KIF5A: variants seen among roughly 807,000 people sequenced by gnomAD.
KIF5A encodes kinesin family member 5A.
KIF5A carries 35 observed loss-of-function variants against 141.3 expected under a neutral mutation model. That is an observed-to-expected ratio of 0.25 (90% CI 0.19 to 0.33). KIF5A has a LOEUF of 0.33. Ranked by LOEUF, KIF5A falls within the 10% of genes least tolerant of loss-of-function variation. KIF5A has a pLI of 1.00. For synonymous variants in KIF5A, 448 were observed against 500.2 expected, an observed-to-expected ratio of 0.90 and a Z score of 1.39; for missense variants, 861 against 1,314.3, an observed-to-expected ratio of 0.66 and a Z score of 5.33.
rs1252833911 is a variant in KIF5A, at chr12:57,550,546, C to T, written c.129+146C>T. ...CTCTTCCCCGCAGCCCCTCCTCTCC[C>T]CTGCATCAGGATGGCTGGGTGTGGC... On this transcript the variant is annotated intron_variant, in intron 1 of 28. Coordinates refer to ENST00000455537, the MANE Select transcript of KIF5A (RefSeq NM_004984.4). This position sits in a 1 kb window ranked among gnomAD's most constrained non-coding sequence, Gnocchi z 4.6. 2.2e-6 allele frequency: 2 copies of T among 890,484 alleles called. No homozygotes were observed. The highest frequency in any genetic ancestry group is 4.2e-5 in the Admixed American group (2 of 47,306). The allele number at this position is 890,484 out of a possible 1,614,324, so 55.2% of individuals were successfully genotyped here.
rs1050072523 is a variant in KIF5A, at chr12:57,578,068, T to G, written c.2421T>G (p.Thr807=). The G allele has an allele frequency of 6.2e-7, 1 of 1,613,982 alleles. No individual in the cohort carries two copies. The change falls in exon 22 of 29, where the codon ACT becomes ACG. Residue 807 remains threonine, a synonymous_variant. Transcript: ENST00000455537. Reference sequence around the variant, plus strand: ...AGCTGTTCGTTCAAGACGTCACGACTCGAGTCAAGAAAGTGAGTGCTGTCC... The same window carrying G: ...AGCTGTTCGTTCAAGACGTCACGACGCGAGTCAAGAAAGTGAGTGCTGTCC... The part of the protein sequence containing the change: ...LRKLFVQDVT[T]RVKKSAEMEP...
At chr12:57,578,739 C>T (rs984991222) in intron 23 of KIF5A, among the ~76,000 whole-genome samples, 29 of 152,266 alleles carry the variant, frequency 1.9e-4, no homozygotes, top group African/African-American at 7.0e-4. Context: ...CTCCATCTGT[C>T]TAGGTCTGTG....
In KIF5A at chr12:57,584,501, C is replaced by A. The variant is rs1389113130; in HGVS notation, c.*320C>A. ...AGGGTGAATGTTTCTTCTTTCTCATCTACTCGTCTCACACTGAGTGGTGTT... is the reference window on the plus strand; with the variant it reads ...AGGGTGAATGTTTCTTCTTTCTCATATACTCGTCTCACACTGAGTGGTGTT... On this transcript the variant is annotated 3_prime_UTR_variant, in exon 29 of 29. Transcript: ENST00000455537. The A allele has an allele frequency of 6.6e-6, 1 of 152,638 alleles. No homozygotes were observed. The highest frequency in any genetic ancestry group is 1.5e-5 in the Non-Finnish European group (1 of 68,042). 9.5% of individuals were successfully genotyped at this position (152,638 alleles called of 1,614,324 possible).
Position 57,572,543 on chromosome 12 carries a change from G to T in KIF5A, c.1570-37G>T. The stretch of plus-strand genomic sequence containing the variant: ...GCCTGGGCTGGGCAAGGGAGCAGGA[G>T]GATGGCAACAGGAATGACCTGAGGG... On this transcript the variant is annotated intron_variant, in intron 14 of 28. Transcript: ENST00000455537. This position sits in a 1 kb window ranked among gnomAD's most constrained non-coding sequence, Gnocchi z 4.2. 5 of 1,613,936 alleles carry T rather than the reference G, an allele frequency of 3.1e-6. No individual in the cohort carries two copies. Among genetic ancestry groups the T allele is most frequent in the Non-Finnish European group, 4.2e-6 (5 of 1,179,988 alleles).
intron 1 of KIF5A, among the ~76,000 whole-genome samples, chr12:57,563,059 TGCAGTGGC>T (rs1399409066): frequency 6.6e-6 from 1 of 151,074 alleles, no homozygotes; most frequent in East Asian, 1.9e-4. Flanking sequence ...CAGGCTGGAG[TGCAGTGGC>T]GCAATCTCGG....
intron 28 of KIF5A, among the ~76,000 whole-genome samples, chr12:57,583,721 C>CTGGTTTTCG (rs1882676068): frequency 6.6e-6 from 1 of 152,220 alleles, no homozygotes; most frequent in South Asian, 2.1e-4. Flanking sequence ...CACCAGTAAG[C>CTGGTTTTCG]TTTAGGAAAC....
intron 23 of KIF5A, 70 bp from the exon 24 acceptor site, chr12:57,580,886 C>A: frequency 7.0e-7 from 1 of 1,418,828 alleles, no homozygotes; most frequent in Non-Finnish European, 9.9e-7. Context: ...CTGTCCCCTA[C>A]GCTCCTCTGG....
intron 1 of KIF5A, among the ~76,000 whole-genome samples, chr12:57,558,170 C>T (rs1454858705): frequency 2.6e-5 from 4 of 152,002 alleles, no homozygotes; most frequent in Non-Finnish European, 5.9e-5. Flanking sequence ...ACTTTGAGGC[C>T]GAGGCGGGAG....
chr12:57,557,585 A>C (rs980284102), intron 1 of KIF5A, among the ~76,000 whole-genome samples: 1 of 152,052 alleles, frequency 6.6e-6, no homozygotes, highest in Non-Finnish European at 1.5e-5. Context: ...ACATATGTTA[A>C]TTTTAATAAG....
At chr12:57,551,002 G>A (rs1276066566) in intron 1 of KIF5A, among the ~76,000 whole-genome samples, 1 of 152,076 alleles carries the variant, frequency 6.6e-6, no homozygotes, top group Non-Finnish European at 1.5e-5. Flanking sequence ...ATCTTGGGGG[G>A]AGCCTCTGGA....
chr12:57,552,537 G>C (rs1881610371), intron 1 of KIF5A, among the ~76,000 whole-genome samples: 1 of 152,096 alleles, frequency 6.6e-6, no homozygotes, highest in Non-Finnish European at 1.5e-5. Flanking sequence ...GCTTACGGGG[G>C]GGCCATTTTG....
At chr12:57,569,892 C>G (rs1417565390) in intron 11 of KIF5A, 95 bp from the exon 12 acceptor site, 7 of 1,463,380 alleles carry the variant, frequency 4.8e-6, no homozygotes, top group Non-Finnish European at 6.5e-6. Flanking sequence ...GTCCACCTGG[C>G]AAGAGAGTTC....
chr12:57,581,388 C>A (rs1325058400), intron 24 of KIF5A, 27 bp from the exon 25 acceptor site: 1 of 1,613,130 alleles, frequency 6.2e-7, no homozygotes, highest in South Asian at 1.1e-5. Flanking sequence ...ATAGCCTCCT[C>A]ATGGTTGTTT....
intron 28 of KIF5A, 47 bp downstream of exon 28, chr12:57,583,262 C>A: frequency 9.1e-7 from 1 of 1,100,012 alleles, no homozygotes; most frequent in Non-Finnish European, 1.4e-6. Flanking sequence ...TGCTTCCCTT[C>A]TTGCTGACAG....
rs1881523169 is a variant in KIF5A at position 57,550,175 on chromosome 12, T to C, written c.-97T>C. Reference sequence around the variant, plus strand: ...ACTCTGTCCCCAGAGACTGAGCACCTGTCCTCCGCCTCGGCCTCTGCTGAG... The same window carrying C: ...ACTCTGTCCCCAGAGACTGAGCACCCGTCCTCCGCCTCGGCCTCTGCTGAG... On this transcript the variant is annotated 5_prime_UTR_variant, in exon 1 of 29. Coordinates refer to ENST00000455537, the MANE Select transcript of KIF5A (RefSeq NM_004984.4). The surrounding 1 kb of genome is among the most constrained non-coding windows in gnomAD (Gnocchi z 4.6). The C allele has an allele frequency of 6.5e-7, 1 of 1,544,994 alleles. No individual in the cohort carries two copies. The highest frequency in any genetic ancestry group is 8.9e-7 in the Non-Finnish European group (1 of 1,125,634).
Position 57,563,489 on chromosome 12 carries a change from G to T in KIF5A, c.180G>T (p.Glu60Asp). ...TATTCCCCCCAAACACGACTCAAGA[G>T]CAAGTTTATCATGCATGTGCCATGC... ...DRVFPPNTTQ[E>D]QVYHACAMQI... Residue 60 changes from glutamate to aspartate, a missense_variant, in exon 2 of 29, where the codon GAG (glutamate) becomes GAT (aspartate). By Grantham distance (45) the Glu-to-Asp change is conservative. Transcript: ENST00000455537. 1 of 1,613,978 alleles carries T rather than the reference G, an allele frequency of 6.2e-7. No homozygotes were observed. The highest frequency in any genetic ancestry group is 1.1e-5 in the South Asian group (1 of 91,074).
intron 1 of KIF5A, among the ~76,000 whole-genome samples, chr12:57,552,093 T>C (rs1479587275): frequency 1.3e-5 from 2 of 152,096 alleles, no homozygotes; most frequent in African/African-American, 4.8e-5. Flanking sequence ...CCAGCATTAG[T>C]TGTGAGAGTT....
In KIF5A at chr12:57,558,404, G is replaced by A. The variant is rs150954216; in HGVS notation, c.130-5035G>A. Among the ~76,000 whole-genome samples the A allele has an allele frequency of 2.7e-3, 407 of 152,150 alleles. 4 individuals are homozygous for A. The highest frequency in any genetic ancestry group is 0.022 in the East Asian group (112 of 5,096). On this transcript the variant is annotated intron_variant, in intron 1 of 28. Coordinates refer to ENST00000455537, the MANE Select transcript of KIF5A (RefSeq NM_004984.4). ...AAAATACAAAAATTAGGCCAGGTGCGGTGGCTTACGCCTGTAATCTCAGCA... is the reference window on the plus strand; with the variant it reads ...AAAATACAAAAATTAGGCCAGGTGCAGTGGCTTACGCCTGTAATCTCAGCA...
Position 57,569,349 on chromosome 12 carries a change from T to G in KIF5A, c.913T>G (p.Ser305Ala), listed in dbSNP as rs1215911052. The part of the protein sequence containing the change: ...NCRTTMFICC[S>A]PSSYNDAETK... ...CCGGACGACTATGTTCATCTGTTGC[T>G]CACCATCCAGTTATAATGATGCAGA... The change falls in exon 10 of 29, where the codon TCA (serine) becomes GCA (alanine). Residue 305 changes from serine (S) to alanine (A), a missense_variant. Around this residue, in one of 5 missense-constraint regions of KIF5A, gnomAD observed 146 missense variants for 353.4 expected, o/e 0.41. Coordinates refer to ENST00000455537, the MANE Select transcript of KIF5A (RefSeq NM_004984.4). 1.2e-6 allele frequency: 2 copies of G among 1,613,968 alleles called. No individual in the cohort carries two copies. Among genetic ancestry groups the G allele is most frequent in the African/African-American group, 1.3e-5 (1 of 74,918 alleles).
Sources: gnomAD v4.1 joint callset for allele counts (sites outside exome capture counted in the v4.1 genomes callset) on GRCh38, gnomAD v4.1.1 for gene constraint, gnomAD v4.1.1 regional missense constraint, Gnocchi (gnomAD v3.1) non-coding constraint, MANE v1.5 for transcripts, NCBI Gene and HGNC (gene_info 2026-07-23, HGNC 2026-07-21) for gene names.